NIBAN1: variants seen among roughly 807,000 people sequenced by gnomAD.
The protein encoded by NIBAN1 is protein Niban 1.
Under a neutral mutation model 75.1 loss-of-function variants are expected in NIBAN1, and 81 were observed. The ratio of observed to expected loss-of-function variants is 1.08; its 90% CI spans 0.90 to 1.30. The LOEUF (loss-of-function observed/expected upper bound fraction) is 1.30. Among genes scored for constraint, NIBAN1 ranks in the 50% most tolerant of loss-of-function variants. The pLI is 0.00. For synonymous variants in NIBAN1, 436 were observed against 424.8 expected, an observed-to-expected ratio of 1.03 and a Z score of -0.32; for missense variants, 1,133 against 1,128.1, an observed-to-expected ratio of 1.00 and a Z score of -0.06.
At chr1:184,894,811 A>G (rs1656758304) in intron 2 of NIBAN1, among the ~76,000 whole-genome samples, 1 of 152,216 alleles carries the variant, frequency 6.6e-6, no homozygotes, top group African/African-American at 2.4e-5. Flanking sequence ...CTTCTACTGA[A>G]AAGTTTGAGG....
intron 12 of NIBAN1, among the ~76,000 whole-genome samples, chr1:184,798,406 A>G (rs1175961517): frequency 6.6e-6 from 1 of 152,190 alleles, no homozygotes; most frequent in Non-Finnish European, 1.5e-5. Context: ...TGACCTCGAC[A>G]CATCTATTAC....
At chr1:184,873,746 G>A (rs1656168328) in intron 5 of NIBAN1, among the ~76,000 whole-genome samples, 1 of 151,940 alleles carries the variant, frequency 6.6e-6, no homozygotes, top group African/African-American at 2.4e-5. Context: ...TTTTCTCTTT[G>A]TTTTCTGTGA....
At chr1:184,945,174 T>G (rs1571594559) in intron 1 of NIBAN1, among the ~76,000 whole-genome samples, 4 of 152,328 alleles carry the variant, frequency 2.6e-5, no homozygotes, top group Admixed American at 2.6e-4. Flanking sequence ...TCTGGCAAGT[T>G]ACTGCCTGCA....
intron 5 of NIBAN1, among the ~76,000 whole-genome samples, chr1:184,845,126 T>G (rs1655400855): frequency 6.6e-6 from 1 of 152,208 alleles, no homozygotes. Flanking sequence ...TAAAAGACAC[T>G]AGGAAAGCAT....
chr1:184,881,128 A>G (rs1218490900), intron 5 of NIBAN1, among the ~76,000 whole-genome samples: 2 of 147,532 alleles, frequency 1.4e-5, no homozygotes, highest in African/African-American at 2.6e-5. Flanking sequence ...CACACACACA[A>G]CCTTTATTCT....
At chr1:184,881,078 C>A (rs1346159664) in intron 5 of NIBAN1, among the ~76,000 whole-genome samples, 1 of 151,480 alleles carries the variant, frequency 6.6e-6, no homozygotes, top group African/African-American at 2.4e-5. Context: ...GCAAAACACC[C>A]ATGAAAGTGC....
At chr1:184,937,459 A>C (rs983080211) in intron 1 of NIBAN1, among the ~76,000 whole-genome samples, 1 of 152,066 alleles carries the variant, frequency 6.6e-6, no homozygotes, top group Non-Finnish European at 1.5e-5. Flanking sequence ...CACCACCACA[A>C]AGAAAAGAAT....
chr1:184,811,627 G>A (rs2102203168), intron 9 of NIBAN1, among the ~76,000 whole-genome samples: 1 of 151,038 alleles, frequency 6.6e-6, no homozygotes, highest in African/African-American at 2.4e-5. Context: ...CCTCAGCTGG[G>A]ACTACAGGCA....
Position 184,795,024 on chromosome 1 carries a change from C to G in NIBAN1, c.2740G>C (p.Gly914Arg). Reference protein sequence around the residue: ...LLSHKDDVKEGEGGQESFPEL... With the variant: ...LLSHKDDVKEREGGQESFPEL... ...GGGAAACTCTCCTGACCACCTTCTC[C>G]CTCCTTCACGTCATCTTTGTGTGAC... Residue 914 changes from glycine to arginine, a missense_variant, in exon 14 of 14, where the codon GGA becomes CGA. By Grantham distance (125) the Gly-to-Arg change is moderately radical. Coordinates refer to ENST00000367511, the MANE Select transcript of NIBAN1 (RefSeq NM_052966.4). 1 of 1,613,310 alleles carries G rather than the reference C, an allele frequency of 6.2e-7. No individual in the cohort carries two copies. Among genetic ancestry groups the G allele is most frequent in the Non-Finnish European group, 8.5e-7 (1 of 1,180,040 alleles).
intron 5 of NIBAN1, among the ~76,000 whole-genome samples, chr1:184,861,011 A>C (rs1372420304): frequency 6.6e-6 from 1 of 152,190 alleles, no homozygotes; most frequent in Non-Finnish European, 1.5e-5. Flanking sequence ...TGTAGCTCTT[A>C]TTTTCAAGTA....
At chr1:184,850,677 T>A in intron 5 of NIBAN1, among the ~76,000 whole-genome samples, 1 of 11,910 alleles carries the variant, frequency 8.4e-5, no homozygotes, top group Non-Finnish European at 1.4e-4. Flanking sequence ...GAAACTACCA[T>A]CAGAGTGAAC....
At chr1:184,963,559 G>C (rs754671326) in intron 1 of NIBAN1, among the ~76,000 whole-genome samples, 1 of 152,050 alleles carries the variant, frequency 6.6e-6, no homozygotes, top group East Asian at 1.9e-4. Flanking sequence ...GCCTTGAGAT[G>C]TTTGTAGGAT....
At chr1:184,813,952 A>G (rs975262031) in intron 9 of NIBAN1, among the ~76,000 whole-genome samples, 1 of 152,226 alleles carries the variant, frequency 6.6e-6, no homozygotes, top group Admixed American at 6.5e-5. Flanking sequence ...ATGAGTTAAC[A>G]CTGTAATATG....
chr1:184,908,347 A>G (rs1657155868), intron 1 of NIBAN1, among the ~76,000 whole-genome samples: 1 of 152,220 alleles, frequency 6.6e-6, no homozygotes, highest in African/African-American at 2.4e-5. Context: ...TGACCACTGA[A>G]ATAAATTAAG....
At chr1:184,835,975 T>C (rs1211590834) in intron 5 of NIBAN1, among the ~76,000 whole-genome samples, 1 of 152,272 alleles carries the variant, frequency 6.6e-6, no homozygotes, top group African/African-American at 2.4e-5. Context: ...ATATTGGCTG[T>C]GGGTTTGTCA....
chr1:184,903,899 TTA>T (rs1657019423), intron 1 of NIBAN1, among the ~76,000 whole-genome samples: 1 of 150,914 alleles, frequency 6.6e-6, no homozygotes, highest in Admixed American at 6.6e-5. Flanking sequence ...ACCACACTTA[TTA>T]TTTTTTTTTT....
At chr1:184,909,215 G>A (rs1657178024) in intron 1 of NIBAN1, among the ~76,000 whole-genome samples, 1 of 152,144 alleles carries the variant, frequency 6.6e-6, no homozygotes, top group African/African-American at 2.4e-5. Context: ...AAATAAGCCA[G>A]GCCACAAGCC....
At chr1:184,835,628 G>A (rs965318172) in intron 5 of NIBAN1, among the ~76,000 whole-genome samples, 3 of 152,122 alleles carry the variant, frequency 2.0e-5, no homozygotes, top group Non-Finnish European at 2.9e-5. Context: ...GTTCACTCAC[G>A]ATTTGGCTCT....
At chr1:184,972,026 CTTAAA>C (rs1386917639) in intron 1 of NIBAN1, among the ~76,000 whole-genome samples, 5 of 152,140 alleles carry the variant, frequency 3.3e-5, no homozygotes, top group Admixed American at 6.5e-5. Context: ...AATGATTTGT[CTTAAA>C]GTAAAGGCTG....
Sources: allele counts gnomAD v4.1 joint callset (sites outside exome capture counted in the v4.1 genomes callset), GRCh38; gene constraint gnomAD v4.1.1; transcripts MANE v1.5; gene names NCBI Gene and HGNC (gene_info 2026-07-23, HGNC 2026-07-21).